MSI2: variants seen among roughly 807,000 people sequenced by gnomAD.
MSI2 encodes RNA-binding protein Musashi homolog 2.
In MSI2, 17 loss-of-function variants were observed where a neutral mutation model predicts 45.6. The ratio of observed to expected loss-of-function variants is 0.37; its 90% confidence interval spans 0.26 to 0.56. The LOEUF is 0.56. Among genes scored for constraint, MSI2 ranks in the 20% least tolerant of loss-of-function variants. The pLI is 0.77. For missense variants in MSI2, 293 were observed against 444.2 expected, an observed-to-expected ratio of 0.66 and a Z score of 3.06; for synonymous variants, 156 against 158.2, an observed-to-expected ratio of 0.99 and a Z score of 0.11.
intron 8 of MSI2, among the ~76,000 whole-genome samples, 197 bp downstream of exon 8, chr17:57,597,147 G>A (rs550892913): frequency 3.3e-5 from 5 of 152,056 alleles, no homozygotes; most frequent in Admixed American, 1.3e-4. Flanking sequence ...GGGCCAAGTC[G>A]TGAATATTTT....
chr17:57,454,657 G>A (rs1046103160), intron 6 of MSI2, among the ~76,000 whole-genome samples: 8 of 151,984 alleles, frequency 5.3e-5, no homozygotes, highest in Non-Finnish European at 1.5e-5. Flanking sequence ...GCATGGTCTC[G>A]ATCTCCTGAC....
At chr17:57,270,824 G>A (rs1035906099) in intron 5 of MSI2, among the ~76,000 whole-genome samples, 1 of 152,296 alleles carries the variant, frequency 6.6e-6, no homozygotes, top group African/African-American at 2.4e-5. Flanking sequence ...CGAGCAGCTC[G>A]TGGGTTGATT....
At chr17:57,261,239 T>A (rs1907276956) in intron 4 of MSI2, among the ~76,000 whole-genome samples, 1 of 152,102 alleles carries the variant, frequency 6.6e-6, no homozygotes, top group Non-Finnish European at 1.5e-5. Context: ...TTGAGCATCA[T>A]GCGTTTTGCA....
In MSI2 at chr17:57,627,409, TTGAAAA is replaced by T; in HGVS notation, c.727+110_727+115del. ...GAATGCATTTCTTACATGCATCCAC[TTGAAAA>T]TGACCTATACATGATAAATTTCAAA... On this transcript the variant is annotated intron_variant, in intron 10 of 13. Transcript: ENST00000284073. This position sits in a 1 kb window ranked among gnomAD's most constrained non-coding sequence, Gnocchi z 4.6. 2 of 979,832 alleles carry T rather than the reference TTGAAAA, an allele frequency of 2.0e-6. No homozygotes were observed. The highest frequency in any genetic ancestry group is 3.3e-6 in the Non-Finnish European group (2 of 607,698). 60.7% of individuals were successfully genotyped at this position (979,832 alleles called of 1,614,324 possible).
intron 5 of MSI2, among the ~76,000 whole-genome samples, chr17:57,282,397 G>T (rs1909501009): frequency 6.6e-6 from 1 of 152,186 alleles, no homozygotes; most frequent in Non-Finnish European, 1.5e-5. Flanking sequence ...GCACAGGCCT[G>T]AAGAATTCCT....
intron 6 of MSI2, among the ~76,000 whole-genome samples, chr17:57,483,116 T>G (rs1271140249): frequency 6.6e-6 from 1 of 152,228 alleles, no homozygotes; most frequent in East Asian, 1.9e-4. Context: ...ATACTAATGA[T>G]AATAAGTATT....
At chr17:57,487,759 C>T (rs898479538) in intron 6 of MSI2, among the ~76,000 whole-genome samples, 43 of 151,642 alleles carry the variant, frequency 2.8e-4, no homozygotes, top group African/African-American at 1.0e-3. Context: ...TTTAAAGGGA[C>T]TGTGTCTTCT....
At chr17:57,463,229 C>T (rs918109477) in intron 6 of MSI2, among the ~76,000 whole-genome samples, 8 of 152,036 alleles carry the variant, frequency 5.3e-5, no homozygotes, top group Non-Finnish European at 8.8e-5. Flanking sequence ...AGAGGGAAGG[C>T]GTGGGGCTGG....
chr17:57,475,899 C>T (rs1163281801), intron 6 of MSI2, among the ~76,000 whole-genome samples: 1 of 152,196 alleles, frequency 6.6e-6, no homozygotes, highest in Non-Finnish European at 1.5e-5. Flanking sequence ...GCCAATCTCT[C>T]GTCCTCCCCC....
intron 7 of MSI2, among the ~76,000 whole-genome samples, chr17:57,562,599 G>A (rs2144255127): frequency 6.6e-6 from 1 of 152,272 alleles, no homozygotes; most frequent in African/African-American, 2.4e-5. Context: ...CTTTCTGGAG[G>A]GTGGAGGAGA....
rs1328713386 is a variant in MSI2, at chr17:57,505,490, G to T, written c.406-24186G>T. ...CGTGTTTTCCTATTTAATAAAAAGG[G>T]GTGGGGTCTTCCAGACTTACTGAAC... On this transcript the variant is annotated intron_variant, in intron 6 of 13. Coordinates refer to ENST00000284073, the MANE Select transcript of MSI2 (RefSeq NM_138962.4). Among the ~76,000 whole-genome samples, 2 of 152,242 alleles carry T rather than the reference G, an allele frequency of 1.3e-5. 1 individual carries two copies. The highest frequency in any genetic ancestry group is 4.8e-5 in the African/African-American group (2 of 41,536).
chr17:57,408,476 T>C (rs1204257460), intron 6 of MSI2, among the ~76,000 whole-genome samples: 2 of 152,230 alleles, frequency 1.3e-5, no homozygotes, highest in African/African-American at 4.8e-5. Flanking sequence ...CTTTGCTGTT[T>C]GACCGCATTT....
intron 11 of MSI2, among the ~76,000 whole-genome samples, chr17:57,660,260 A>G (rs561583104): frequency 5.9e-5 from 9 of 152,310 alleles, no homozygotes; most frequent in African/African-American, 1.9e-4. Flanking sequence ...GAGGGGAGTC[A>G]GATGGTCTGG....
intron 6 of MSI2, among the ~76,000 whole-genome samples, chr17:57,464,051 AT>A (rs1035411996): frequency 5.6e-4 from 84 of 150,410 alleles, no homozygotes; most frequent in African/African-American, 1.9e-3. Flanking sequence ...TTTCAAGAAT[AT>A]TTTCTGGACT....
the MSI2 span, among the ~76,000 whole-genome samples, chr17:57,690,112 G>A: frequency 6.8e-6 from 1 of 147,078 alleles, no homozygotes; most frequent in Non-Finnish European, 1.5e-5. Flanking sequence ...CAGAGTTCTG[G>A]TTACTTTGTA....
chr17:57,430,398 C>T (rs1486183025), intron 6 of MSI2, among the ~76,000 whole-genome samples: 1 of 152,200 alleles, frequency 6.6e-6, no homozygotes, highest in Non-Finnish European at 1.5e-5. Context: ...TCAGTGTCCA[C>T]ACTGCCCCTG....
intron 5 of MSI2, among the ~76,000 whole-genome samples, chr17:57,332,976 G>A (rs541248451): frequency 1.3e-5 from 2 of 152,126 alleles, no homozygotes; most frequent in South Asian, 4.2e-4. Flanking sequence ...AGTGAGCCGA[G>A]ATCATGCCAC....
At chr17:57,631,888 A>G in intron 10 of MSI2, 2 of 1,602,654 alleles carry the variant, frequency 1.2e-6, no homozygotes, top group South Asian at 1.1e-5. Flanking sequence ...GAGAGAGGAC[A>G]CAGTCCCGGC....
intron 13 of MSI2, among the ~76,000 whole-genome samples, chr17:57,678,273 T>C (rs917885754): frequency 6.6e-6 from 1 of 152,182 alleles, no homozygotes; most frequent in African/African-American, 2.4e-5. Context: ...CTTAACCAAA[T>C]AAACCATGTG....
Sources: allele counts gnomAD v4.1 joint callset (sites outside exome capture counted in the v4.1 genomes callset), GRCh38; gene constraint gnomAD v4.1.1; non-coding constraint Gnocchi (gnomAD v3.1); transcripts MANE v1.5; gene names NCBI Gene and HGNC (gene_info 2026-07-23, HGNC 2026-07-21).